The following AVL9 variants were observed in gnomAD, a reference collection of about 807,000 sequenced individuals.
AVL9 encodes the protein late secretory pathway protein AVL9 homolog.
AVL9 carries 49 observed loss-of-function variants against 79.2 expected under a neutral mutation model. The observed-to-expected ratio is 0.62, with a 90% CI of 0.49 to 0.79. The LOEUF is 0.79. Among genes scored for constraint, AVL9 ranks in the 30% least tolerant of loss-of-function variants. The probability of loss-of-function intolerance (pLI) is 0.00; values close to 1 mark genes in which losing one functional copy is unlikely to be tolerated. For missense variants in AVL9, 682 were observed against 776.8 expected (o/e 0.88, Z 1.45); for synonymous variants, 299 against 280.6 (o/e 1.07, Z -0.65).
chr7:32,524,917 G>A (rs955973434), intron 1 of AVL9, among the ~76,000 whole-genome samples: 7 of 152,154 alleles, frequency 4.6e-5, no homozygotes, highest in Non-Finnish European at 8.8e-5. Context: ...TGGTGCCCAA[G>A]AGTTCCATGG....
chr7:32,532,011 C>T (rs1788680620), intron 1 of AVL9: 1 of 152,224 alleles, frequency 6.6e-6, no homozygotes, highest in Non-Finnish European at 1.5e-5. Flanking sequence ...GGCTCCCAAG[C>T]TCTTGTCCAG....
Position 32,543,138 on chromosome 7 carries a change from T to G in AVL9, c.94-3T>G, listed in dbSNP as rs888355098. The stretch of plus-strand genomic sequence containing the variant: ...TTTTGGCTAACATTCCTTACTATTT[T>G]AGGTTGAATTCTCTTACCCGCCCCT... On this transcript the variant is annotated splice_polypyrimidine_tract_variant and splice_region_variant and intron_variant, in intron 1 of 15. Transcript: ENST00000318709. The G allele has an allele frequency of 6.2e-6, 10 of 1,613,554 alleles. No individual in the cohort carries two copies. The highest frequency in any genetic ancestry group is 4.5e-5 in the East Asian group (2 of 44,886).
At chr7:32,557,894 C>T (rs762999381) in intron 8 of AVL9, among the ~76,000 whole-genome samples, 3 of 143,008 alleles carry the variant, frequency 2.1e-5, no homozygotes, top group Non-Finnish European at 4.5e-5. Context: ...CTTGCTCTGT[C>T]GCCCAGGCTG....
At chr7:32,546,489 C>T (rs1311245403) in intron 3 of AVL9, among the ~76,000 whole-genome samples, 3 of 152,082 alleles carry the variant, frequency 2.0e-5, no homozygotes, top group African/African-American at 7.2e-5. Context: ...TAAATGTATA[C>T]AATTTTTGTC....
chr7:32,575,810 G>A, intron 12 of AVL9, 145 bp from the exon 13 acceptor site: 1 of 603,428 alleles, frequency 1.7e-6, no homozygotes, highest in Non-Finnish European at 2.9e-6. Flanking sequence ...CTAGACCCAA[G>A]TTTCCTGACA....
intron 8 of AVL9, among the ~76,000 whole-genome samples, chr7:32,556,219 T>C (rs1790046266): frequency 6.6e-6 from 1 of 152,100 alleles, no homozygotes; most frequent in East Asian, 1.9e-4. Context: ...CTATAAGAAA[T>C]ATATATTCCT....
rs757854632 is a variant in AVL9, at chr7:32,553,770, A to G, written c.570+3A>G. 2 of 1,605,522 alleles carry G rather than the reference A, an allele frequency of 1.2e-6. No individual in the cohort carries two copies. The highest frequency in any genetic ancestry group is 1.7e-6 in the Non-Finnish European group (2 of 1,173,090). ...TTGTCCTTCATTTTCGACACAAGGT[A>G]TGGTACCTTATTTAAATAAATTTAT... On this transcript the variant is annotated splice_donor_region_variant and intron_variant, in intron 7 of 15. Transcript: ENST00000318709.
intron 1 of AVL9, among the ~76,000 whole-genome samples, chr7:32,506,453 G>A (rs1787417527): frequency 6.6e-6 from 1 of 152,154 alleles, no homozygotes; most frequent in South Asian, 2.1e-4. Context: ...GGATAAGCTG[G>A]TTGATGGGAT....
At position 32,499,304 on chromosome 7, in the gene AVL9, C is replaced by T. The variant is rs1026321421; in HGVS notation, c.93+3502C>T. 3.3e-5 allele frequency among the ~76,000 whole-genome samples: 5 copies of T among 151,338 alleles called. No homozygotes were observed. In the South Asian group the frequency reaches 6.2e-4, roughly 19 times the overall value. ...GTTCCAATATATAAATTATACTTGT[C>T]GGACTACCAAAATTTTTTGCTAAGT... On this transcript the variant is annotated intron_variant, in intron 1 of 15. Coordinates refer to ENST00000318709, the MANE Select transcript of AVL9 (RefSeq NM_015060.3).
In AVL9 at chr7:32,544,697, C is replaced by G. The variant is rs996557151; in HGVS notation, c.218C>G (p.Thr73Ser). 6 of 1,610,916 alleles carry G rather than the reference C, an allele frequency of 3.7e-6. No homozygotes were observed. The highest frequency in any genetic ancestry group is 5.1e-6 in the Non-Finnish European group (6 of 1,177,554). Residue 73 changes from threonine to serine, a missense_variant, in exon 3 of 16, where the codon ACT becomes AGT. Transcript: ENST00000318709. ...CATTTTTCTATGTATCTCTTAGATA[C>G]TGTGTTTTTTCACTTGCCACCCAGA... is the stretch of plus-strand genomic sequence containing the variant. ...PDGAHNYQEDTVFFHLPPRNG... is the reference protein window; with the variant it reads ...PDGAHNYQEDSVFFHLPPRNG...
At chr7:32,546,703 G>A (rs922669386) in intron 3 of AVL9, among the ~76,000 whole-genome samples, 3 of 151,938 alleles carry the variant, frequency 2.0e-5, no homozygotes, top group Non-Finnish European at 4.4e-5. Flanking sequence ...CACGCCTGTA[G>A]TCCCAGCTAC....
At chr7:32,579,519 A>T (rs1008193787) in intron 13 of AVL9, among the ~76,000 whole-genome samples, 3 of 3,590 alleles carry the variant, frequency 8.4e-4, no homozygotes, top group African/African-American at 1.4e-3. Flanking sequence ...ATATTATATT[A>T]TATATTATAT....
chr7:32,575,428 T>C (rs1432258672), intron 12 of AVL9, among the ~76,000 whole-genome samples: 1 of 152,160 alleles, frequency 6.6e-6, no homozygotes, highest in East Asian at 1.9e-4. Context: ...AGTGAAATGC[T>C]AGGAAATTCA....
intron 8 of AVL9, among the ~76,000 whole-genome samples, chr7:32,556,517 GTAAATGAA>G (rs1411961469): frequency 6.8e-6 from 1 of 146,912 alleles, no homozygotes; most frequent in African/African-American, 2.5e-5. Context: ...CCATCTCAAA[GTAAATGAA>G]TGAATGAATG....
At chr7:32,569,847 G>A (rs1790746974) in intron 10 of AVL9, among the ~76,000 whole-genome samples, 173 bp from the exon 11 acceptor site, 1 of 152,190 alleles carries the variant, frequency 6.6e-6, no homozygotes, top group African/African-American at 2.4e-5. Flanking sequence ...ACTTACTGTA[G>A]TCAAGACTTG....
intron 15 of AVL9, 92 bp downstream of exon 15, chr7:32,580,982 G>A: frequency 9.8e-7 from 1 of 1,019,724 alleles, no homozygotes. Context: ...ACATAAAGTT[G>A]TAAAGATCTG....
chr7:32,517,818 TTTTGTTTG>T (rs149396100), intron 1 of AVL9, among the ~76,000 whole-genome samples: 1 of 150,350 alleles, frequency 6.7e-6, no homozygotes, highest in African/African-American at 2.4e-5. Flanking sequence ...TGTGTTTTTT[TTTTGTTTG>T]TTTGTTTTGT....
intron 1 of AVL9, among the ~76,000 whole-genome samples, chr7:32,504,120 A>G (rs777345952): frequency 2.0e-5 from 3 of 152,236 alleles, no homozygotes; most frequent in Non-Finnish European, 4.4e-5. Context: ...AAATTTCAAT[A>G]TTGAAATGAA....
At chr7:32,574,503 T>A (rs559813746) in intron 12 of AVL9, among the ~76,000 whole-genome samples, 2 of 150,740 alleles carry the variant, frequency 1.3e-5, no homozygotes, top group East Asian at 3.9e-4. Flanking sequence ...AATTTGCTTT[T>A]AAGCAAATTA....
Sources: gnomAD v4.1 joint callset for allele counts (sites outside exome capture counted in the v4.1 genomes callset) on GRCh38, gnomAD v4.1.1 for gene constraint, MANE v1.5 for transcripts, NCBI Gene and HGNC (gene_info 2026-07-23, HGNC 2026-07-21) for gene names.